Variants in BCL2 observed in about 807,000 individuals in gnomAD.
The protein encoded by BCL2 is BCL2 apoptosis regulator.
In BCL2, 1 loss-of-function variant was observed where a neutral mutation model predicts 14.2. That is an observed-to-expected ratio of 0.07 (90% CI 0.02 to 0.33). The LOEUF (loss-of-function observed/expected upper bound fraction) is 0.33. Ranked by LOEUF, BCL2 falls within the 10% of genes least tolerant of loss-of-function variation. BCL2 has a pLI of 0.99. For missense variants in BCL2, 247 were observed against 305.9 expected (o/e 0.81, Z 1.44); for synonymous variants, 151 against 137.2 (o/e 1.10, Z -0.70).
At chr18:63,139,631 T>A (rs79360751) in intron 2 of BCL2, among the ~76,000 whole-genome samples, 1 of 152,214 alleles carries the variant, frequency 6.6e-6, no homozygotes, top group African/African-American at 2.4e-5. Flanking sequence ...CCTGTCCTCA[T>A]TTTAAGGCAC....
At chr18:63,183,536 C>T (rs904315697) in intron 2 of BCL2, among the ~76,000 whole-genome samples, 1 of 152,200 alleles carries the variant, frequency 6.6e-6, no homozygotes, top group African/African-American at 2.4e-5. Flanking sequence ...ATCAGCTCAG[C>T]TGTGCCCGTG....
chr18:63,253,315 C>A (rs1911370675), intron 2 of BCL2, among the ~76,000 whole-genome samples: 1 of 152,242 alleles, frequency 6.6e-6, no homozygotes. Context: ...ACACCTGACA[C>A]TACACTGATC....
intron 2 of BCL2, among the ~76,000 whole-genome samples, chr18:63,198,593 GAGACACACACAC>G (rs1909539277): frequency 7.7e-6 from 1 of 129,228 alleles, no homozygotes; most frequent in African/African-American, 3.0e-5. Context: ...CATAGACACA[GAGACACACACAC>G]AGACACACAC....
chr18:63,240,926 C>A (rs1910983635), intron 2 of BCL2, among the ~76,000 whole-genome samples: 1 of 152,194 alleles, frequency 6.6e-6, no homozygotes, highest in African/African-American at 2.4e-5. Context: ...AAAGAATGAA[C>A]AAACGAGTCA....
chr18:63,302,563 T>C (rs1912996463), intron 2 of BCL2: 1 of 985,310 alleles, frequency 1.0e-6, no homozygotes, highest in Admixed American at 6.1e-5. Context: ...AATTTTTTAA[T>C]ATGTGCTTTA....
intron 2 of BCL2, among the ~76,000 whole-genome samples, chr18:63,286,192 T>C (rs889133368): frequency 2.8e-4 from 42 of 152,200 alleles, no homozygotes; most frequent in Admixed American, 1.6e-3. Flanking sequence ...GAGAGCATAA[T>C]GTAAAAGAAA....
chr18:63,252,991 G>A (rs1324123910), intron 2 of BCL2, among the ~76,000 whole-genome samples: 2 of 152,206 alleles, frequency 1.3e-5, no homozygotes, highest in Non-Finnish European at 2.9e-5. Flanking sequence ...AAAAGTGAAT[G>A]CACAGACAAC....
intron 2 of BCL2, among the ~76,000 whole-genome samples, chr18:63,187,570 T>G (rs1414008234): frequency 1.3e-5 from 2 of 152,218 alleles, no homozygotes; most frequent in Admixed American, 6.5e-5. Context: ...CCCACCCCAC[T>G]TATCCTAATG....
At chr18:63,294,235 T>C (rs1302892488) in intron 2 of BCL2, among the ~76,000 whole-genome samples, 1 of 152,092 alleles carries the variant, frequency 6.6e-6, no homozygotes, top group Non-Finnish European at 1.5e-5. Flanking sequence ...CAAAGTATAA[T>C]GAGGCGGAAG....
chr18:63,295,651 G>A (rs1449088632), intron 2 of BCL2, among the ~76,000 whole-genome samples: 1 of 152,048 alleles, frequency 6.6e-6, no homozygotes, highest in African/African-American at 2.4e-5. Context: ...AAGGCCCGTT[G>A]CCCTAAATGT....
chr18:63,182,934 A>G (rs1915511373), intron 2 of BCL2, among the ~76,000 whole-genome samples: 1 of 152,234 alleles, frequency 6.6e-6, no homozygotes, highest in African/African-American at 2.4e-5. Flanking sequence ...ATGGAAACAG[A>G]GGCTTCCTGA....
At chr18:63,226,825 A>C (rs539801553) in intron 2 of BCL2, among the ~76,000 whole-genome samples, 1 of 152,254 alleles carries the variant, frequency 6.6e-6, no homozygotes, top group Admixed American at 6.5e-5. Flanking sequence ...TAGAACACAA[A>C]AAAGAGAGAC....
intron 2 of BCL2, among the ~76,000 whole-genome samples, chr18:63,194,406 T>C (rs2144655142): frequency 6.6e-6 from 1 of 151,710 alleles, no homozygotes; most frequent in South Asian, 2.1e-4. Flanking sequence ...TGATCTCGGC[T>C]CACTGCAACC....
At chr18:63,133,817 T>G (rs1454044296) in intron 2 of BCL2, among the ~76,000 whole-genome samples, 7 of 152,160 alleles carry the variant, frequency 4.6e-5, no homozygotes, top group African/African-American at 1.7e-4. Context: ...TTGTTAGTAA[T>G]TTCACTTCCA....
At chr18:63,278,136 T>G (rs1376554088) in intron 2 of BCL2, among the ~76,000 whole-genome samples, 2 of 152,234 alleles carry the variant, frequency 1.3e-5, no homozygotes, top group African/African-American at 4.8e-5. Flanking sequence ...CTGCCCCTCC[T>G]ACTTCCTTAA....
chr18:63,245,252 A>G (rs575253447), intron 2 of BCL2, among the ~76,000 whole-genome samples: 1 of 152,336 alleles, frequency 6.6e-6, no homozygotes, highest in South Asian at 2.1e-4. Context: ...ATTGAGCATC[A>G]ACTGATGGAC....
At chr18:63,151,062 T>C (rs1032477656) in intron 2 of BCL2, 2 of 152,154 alleles carry the variant, frequency 1.3e-5, no homozygotes, top group Non-Finnish European at 2.9e-5. Flanking sequence ...ATCAGGGGCA[T>C]TCCCTGCTTC....
At chr18:63,288,827 T>C (rs1912550520) in intron 2 of BCL2, among the ~76,000 whole-genome samples, 1 of 152,170 alleles carries the variant, frequency 6.6e-6, no homozygotes, top group Admixed American at 6.5e-5. Flanking sequence ...GTCTACTGTT[T>C]CTTTAAGAGC....
intron 2 of BCL2, among the ~76,000 whole-genome samples, chr18:63,291,432 T>C (rs1385372165): frequency 6.6e-6 from 1 of 152,210 alleles, no homozygotes; most frequent in Non-Finnish European, 1.5e-5. Context: ...GAACGTGACC[T>C]AGTTGGACAG....
Sources: allele counts gnomAD v4.1 joint callset (sites outside exome capture counted in the v4.1 genomes callset), GRCh38; gene constraint gnomAD v4.1.1; transcripts MANE v1.5; gene names NCBI Gene and HGNC (gene_info 2026-07-23, HGNC 2026-07-21).